Variants in MACROD2 observed in about 807,000 individuals in gnomAD.
MACROD2 encodes ADP-ribose glycohydrolase MACROD2.
MACROD2 carries 36 observed loss-of-function variants against 70.4 expected under a neutral mutation model. The observed-to-expected ratio is 0.51, with a 90% confidence interval of 0.39 to 0.68. The LOEUF (loss-of-function observed/expected upper bound fraction) is 0.68, where lower values mean the gene tolerates loss of function less well. Ranked by LOEUF, MACROD2 falls within the 30% of genes least tolerant of loss-of-function variation. The pLI is 0.00. For synonymous variants in MACROD2, 172 were observed against 178.8 expected (o/e 0.96, Z 0.30); for missense variants, 496 against 538.4 (o/e 0.92, Z 0.78).
intron 5 of MACROD2, among the ~76,000 whole-genome samples, chr20:14,945,340 A>T (rs1040589335): frequency 4.6e-5 from 7 of 152,074 alleles, no homozygotes; most frequent in African/African-American, 1.4e-4. Flanking sequence ...GGCCTCCCAA[A>T]GTGCTGCTGG....
chr20:14,293,737 G>C (rs1476524522), intron 3 of MACROD2, among the ~76,000 whole-genome samples: 2 of 151,812 alleles, frequency 1.3e-5, no homozygotes, highest in African/African-American at 4.9e-5. Context: ...CCAGCAAAGA[G>C]ATCCAATGGA....
intron 8 of MACROD2, among the ~76,000 whole-genome samples, chr20:15,629,165 T>C (rs1025127708): frequency 1.1e-4 from 16 of 152,242 alleles, no homozygotes; most frequent in African/African-American, 3.6e-4. Flanking sequence ...TTGCAGGATA[T>C]GCTTCTGTTA....
intron 8 of MACROD2, among the ~76,000 whole-genome samples, chr20:15,576,305 A>T (rs918987764): frequency 3.3e-5 from 5 of 151,380 alleles, no homozygotes; most frequent in Admixed American, 3.3e-4. Flanking sequence ...AGTTCTGGCA[A>T]CTCCTGATGG....
chr20:15,548,688 C>T (rs1257377711), intron 8 of MACROD2, among the ~76,000 whole-genome samples: 1 of 152,160 alleles, frequency 6.6e-6, no homozygotes, highest in Admixed American at 6.5e-5. Flanking sequence ...GCCACTGCAC[C>T]CGGCCAGTGA....
intron 3 of MACROD2, among the ~76,000 whole-genome samples, chr20:14,481,820 A>AT (rs1328208667): frequency 2.0e-5 from 3 of 152,210 alleles, no homozygotes; most frequent in Non-Finnish European, 4.4e-5. Context: ...GAAAAGTAAA[A>AT]TTCCCAATTT....
intron 5 of MACROD2, chr20:14,893,509 C>T (rs1258757688): frequency 6.6e-6 from 1 of 152,018 alleles, no homozygotes; most frequent in East Asian, 1.9e-4. Flanking sequence ...TTTAAAAAAA[C>T]TTGTTTCTTC....
chr20:14,161,703 T>C (rs914280318), intron 3 of MACROD2, among the ~76,000 whole-genome samples: 13 of 151,138 alleles, frequency 8.6e-5, no homozygotes, highest in African/African-American at 2.7e-4. Flanking sequence ...CAGCCTTCCA[T>C]GTAGCTGGGA....
At chr20:15,387,496 C>CA (rs1313662244) in intron 6 of MACROD2, among the ~76,000 whole-genome samples, 2 of 151,298 alleles carry the variant, frequency 1.3e-5, no homozygotes, top group African/African-American at 4.9e-5. Context: ...TCCCCTTCTC[C>CA]ATTCCTTTTC....
intron 8 of MACROD2, among the ~76,000 whole-genome samples, chr20:15,745,300 A>G (rs2143551): frequency 0.022 from 3,359 of 152,274 alleles, 121 homozygotes; most frequent in African/African-American, 0.076. Context: ...TACTTTTATC[A>G]GACTTCTACA....
chr20:15,991,711 T>C (rs34510326), intron 15 of MACROD2, among the ~76,000 whole-genome samples: 10,775 of 152,280 alleles, frequency 0.071, 449 homozygotes, highest in South Asian at 0.13. Flanking sequence ...TAATACTATA[T>C]TATTCATATT....
rs139492048 is a variant in MACROD2, at chr20:15,872,221, CCTT to C, written c.727+9405_727+9407del. On this transcript the variant is annotated intron_variant, in intron 9 of 17. Transcript: ENST00000684519. ...TATGGTATATCCACATGTCCTCTTTCCTTCTTCTTCTTATCTCCTCTCTGGTCA... is the reference window on the plus strand; with the variant it reads ...TATGGTATATCCACATGTCCTCTTTCCTTCTTCTTATCTCCTCTCTGGTCA... Among the ~76,000 whole-genome samples the C allele has an allele frequency of 2.7e-3, 410 of 152,254 alleles. 13 individuals carry two copies. The East Asian group carries it at 0.067, about 25-fold the overall frequency.
chr20:14,703,008 G>C (rs1351939981), intron 5 of MACROD2, among the ~76,000 whole-genome samples: 4 of 151,902 alleles, frequency 2.6e-5, no homozygotes, highest in African/African-American at 9.7e-5. Flanking sequence ...GATTACAGGT[G>C]TGAGCCACCA....
chr20:14,328,392 T>C (rs988876499), intron 3 of MACROD2, among the ~76,000 whole-genome samples: 5 of 152,128 alleles, frequency 3.3e-5, no homozygotes, highest in Non-Finnish European at 5.9e-5. Flanking sequence ...TTCTACCTCA[T>C]AACGTGTTGT....
At chr20:15,669,061 A>G (rs1211670536) in intron 8 of MACROD2, among the ~76,000 whole-genome samples, 1 of 152,246 alleles carries the variant, frequency 6.6e-6, no homozygotes, top group Non-Finnish European at 1.5e-5. Flanking sequence ...GAAGGGACCT[A>G]AAACAATATA....
chr20:14,946,528 C>A (rs1053878922), intron 5 of MACROD2, among the ~76,000 whole-genome samples: 1 of 151,466 alleles, frequency 6.6e-6, no homozygotes, highest in Non-Finnish European at 1.5e-5. Context: ...CTTTTTTTTA[C>A]TTTTACTCTG....
Position 16,035,049 on chromosome 20 carries a change from TAGA to T in MACROD2, c.1154-6150_1154-6148del, listed in dbSNP as rs2067204282. On this transcript the variant is annotated intron_variant, in intron 15 of 17. Coordinates refer to ENST00000684519, the MANE Select transcript of MACROD2 (RefSeq NM_001351661.2). Reference sequence around the variant, plus strand: ...TATAACTAATATATAAAATATAATATAGAATATAAAATATTATATATAAAATAT... The same window carrying T: ...TATAACTAATATATAAAATATAATATATATAAAATATTATATATAAAATAT... Among the ~76,000 whole-genome samples, 6 of 140,158 alleles carry T rather than the reference TAGA, an allele frequency of 4.3e-5. 1 individual carries two copies. The highest frequency in any genetic ancestry group is 6.2e-5 in the Non-Finnish European group (4 of 65,018). The allele number at this position is 140,158 out of a possible 152,430, so 91.9% of individuals were successfully genotyped here.
chr20:14,254,436 T>C (rs2082037041), intron 3 of MACROD2, among the ~76,000 whole-genome samples: 1 of 152,034 alleles, frequency 6.6e-6, no homozygotes, highest in Non-Finnish European at 1.5e-5. Flanking sequence ...TAATATAAAA[T>C]TAAGATACAA....
rs760966238 is a variant in MACROD2 at position 14,708,839 on chromosome 20, C to T, written c.418+23880C>T. ...TTCACTTTGTTGGCCAGGCTGGTCT[C>T]GAACTCCTGACCTCGTGATCCACCC... On this transcript the variant is annotated intron_variant, in intron 5 of 17. Transcript: ENST00000684519. 6.6e-5 allele frequency among the ~76,000 whole-genome samples: 10 copies of T among 152,062 alleles called. No homozygotes were observed. The East Asian group carries it at 7.7e-4, about 12-fold the overall frequency.
intron 3 of MACROD2, chr20:14,323,566 AG>A (rs1351959755): frequency 6.6e-6 from 1 of 152,186 alleles, no homozygotes; most frequent in African/African-American, 2.4e-5. Context: ...CCCTCTCTGG[AG>A]GTTAGGGTTT....
Sources: allele counts gnomAD v4.1 joint callset (sites outside exome capture counted in the v4.1 genomes callset), GRCh38; gene constraint gnomAD v4.1.1; transcripts MANE v1.5; gene names NCBI Gene and HGNC (gene_info 2026-07-23, HGNC 2026-07-21).